MRTFA: variants seen among roughly 807,000 people sequenced by gnomAD.
MRTFA encodes myocardin related transcription factor A.
Under a neutral mutation model 83.5 loss-of-function variants are expected in MRTFA, and 20 were observed. That is an observed-to-expected ratio of 0.24 (90% CI 0.17 to 0.35). The LOEUF (loss-of-function observed/expected upper bound fraction) is 0.35. Among genes scored for constraint, MRTFA ranks in the 10% least tolerant of loss-of-function variants. The pLI is 1.00. For missense variants in MRTFA, 1,200 were observed against 1,224.7 expected, an observed-to-expected ratio of 0.98 and a Z score of 0.30; for synonymous variants, 659 against 541.2, an observed-to-expected ratio of 1.22 and a Z score of -3.02.
intron 2 of MRTFA, among the ~76,000 whole-genome samples, chr22:40,567,606 G>A (rs542473561): frequency 1.8e-4 from 28 of 152,142 alleles, no homozygotes; most frequent in South Asian, 6.2e-4. Flanking sequence ...GCCAGGCCAC[G>A]GAAAACCTGC....
intron 3 of MRTFA, among the ~76,000 whole-genome samples, chr22:40,520,545 T>C (rs1007311338): frequency 2.6e-5 from 4 of 152,136 alleles, no homozygotes; most frequent in African/African-American, 9.7e-5. Context: ...TAGCTGAGAC[T>C]ATAGGCACAT....
chr22:40,567,885 A>T (rs1398246490), intron 2 of MRTFA, among the ~76,000 whole-genome samples: 1 of 152,214 alleles, frequency 6.6e-6, no homozygotes, highest in East Asian at 1.9e-4. Flanking sequence ...TTTCTCAATG[A>T]CATCCTCTCC....
intron 9 of MRTFA, among the ~76,000 whole-genome samples, chr22:40,421,381 T>C (rs1315515838): frequency 6.6e-6 from 1 of 151,872 alleles, no homozygotes; most frequent in Non-Finnish European, 1.5e-5. Context: ...CCAAGCAGGG[T>C]GAACACAAGG....
At chr22:40,417,240 C>G in intron 13 of MRTFA, 101 bp downstream of exon 13, 1 of 1,504,186 alleles carries the variant, frequency 6.6e-7, no homozygotes, top group African/African-American at 1.4e-5. Context: ...TGAAGCTGGG[C>G]TTCGCCTGCC....
intron 3 of MRTFA, among the ~76,000 whole-genome samples, chr22:40,531,499 C>G (rs1269709225): frequency 6.6e-6 from 1 of 152,084 alleles, no homozygotes; most frequent in African/African-American, 2.4e-5. Context: ...ACTTTGCTAT[C>G]ATATTCAATA....
intron 3 of MRTFA, among the ~76,000 whole-genome samples, chr22:40,536,080 T>C (rs2055166828): frequency 6.8e-6 from 1 of 147,834 alleles, no homozygotes; most frequent in Non-Finnish European, 1.5e-5. Flanking sequence ...GGGTTGAAAC[T>C]AGAAGTTAGA....
chr22:40,434,428 A>T (rs1398735358), intron 5 of MRTFA, among the ~76,000 whole-genome samples: 2 of 152,158 alleles, frequency 1.3e-5, no homozygotes, highest in Non-Finnish European at 2.9e-5. Context: ...TGAGACTCTA[A>T]AATAGCTGTG....
chr22:40,546,040 TATATGATAC>T (rs2147302891), intron 3 of MRTFA, among the ~76,000 whole-genome samples: 1 of 152,388 alleles, frequency 6.6e-6, no homozygotes, highest in African/African-American at 2.4e-5. Context: ...ACTGAATTTC[TATATGATAC>T]ATGCTTCTAT....
At chr22:40,612,046 G>T (rs561592313) in intron 1 of MRTFA, among the ~76,000 whole-genome samples, 10 of 152,254 alleles carry the variant, frequency 6.6e-5, no homozygotes, top group African/African-American at 2.4e-4. Flanking sequence ...CCAAAGAAAT[G>T]GTAGTTGAAA....
intron 4 of MRTFA, among the ~76,000 whole-genome samples, chr22:40,441,178 T>C (rs910906871): frequency 3.3e-5 from 5 of 152,204 alleles, no homozygotes; most frequent in African/African-American, 4.8e-5. Flanking sequence ...GCTGGTTCCA[T>C]TGGAGCTCTT....
At chr22:40,538,997 T>G (rs1215526593) in intron 3 of MRTFA, among the ~76,000 whole-genome samples, 7 of 143,944 alleles carry the variant, frequency 4.9e-5, no homozygotes, top group Non-Finnish European at 6.1e-5. Context: ...TTTGTTTTTT[T>G]TTTTTTTTTT....
chr22:40,421,647 C>T (rs1458607718), intron 9 of MRTFA, among the ~76,000 whole-genome samples: 2 of 152,172 alleles, frequency 1.3e-5, no homozygotes, highest in African/African-American at 4.8e-5. Flanking sequence ...CTATTCATGC[C>T]CCCAAAGACC....
chr22:40,591,669 T>C (rs2056123462), intron 2 of MRTFA, among the ~76,000 whole-genome samples: 1 of 152,190 alleles, frequency 6.6e-6, no homozygotes, highest in African/African-American at 2.4e-5. Flanking sequence ...TTCAAACAGG[T>C]AAATTCTGTA....
At chr22:40,590,662 G>C (rs1028485597) in intron 2 of MRTFA, among the ~76,000 whole-genome samples, 3 of 136,066 alleles carry the variant, frequency 2.2e-5, no homozygotes, top group Non-Finnish European at 4.6e-5. Context: ...AACAGAACAA[G>C]ACTCTGTCTC....
At chr22:40,579,716 C>T (rs779372384) in intron 2 of MRTFA, among the ~76,000 whole-genome samples, 2 of 151,958 alleles carry the variant, frequency 1.3e-5, no homozygotes, top group African/African-American at 2.4e-5. Context: ...AAAAATTAGC[C>T]GGGCATGGTG....
At chr22:40,591,947 A>G (rs558643570) in intron 2 of MRTFA, among the ~76,000 whole-genome samples, 4 of 152,320 alleles carry the variant, frequency 2.6e-5, no homozygotes, top group African/African-American at 4.8e-5. Flanking sequence ...TCTTTCATAG[A>G]TATATGCACA....
In MRTFA at chr22:40,453,407, C is replaced by A. The variant is rs527295175; in HGVS notation, c.307+9814G>T. ...TCCGAGGGCACTGACCGGACTGGGGCAGAGGGCCAACTGCAAGGTTTGGGG... is the reference window on the plus strand; with the variant it reads ...TCCGAGGGCACTGACCGGACTGGGGAAGAGGGCCAACTGCAAGGTTTGGGG... On this transcript the variant is annotated intron_variant, in intron 4 of 14. Transcript: ENST00000355630. 5.9e-5 allele frequency among the ~76,000 whole-genome samples: 9 copies of A among 152,300 alleles called. 1 individual carries two copies. The East Asian group carries it at 1.7e-3, about 29-fold the overall frequency.
intron 1 of MRTFA, among the ~76,000 whole-genome samples, chr22:40,620,370 C>T (rs928123388): frequency 3.3e-5 from 5 of 151,610 alleles, no homozygotes; most frequent in East Asian, 1.9e-4. Flanking sequence ...GTGATACACC[C>T]GTCTCAACCT....
intron 2 of MRTFA, among the ~76,000 whole-genome samples, chr22:40,570,414 A>C (rs1025704665): frequency 1.3e-5 from 2 of 151,420 alleles, no homozygotes; most frequent in African/African-American, 4.9e-5. Context: ...TCTCTACTTA[A>C]AAAAATACAA....
Sources: allele counts gnomAD v4.1 joint callset (sites outside exome capture counted in the v4.1 genomes callset), GRCh38; gene constraint gnomAD v4.1.1; transcripts MANE v1.5; gene names NCBI Gene and HGNC (gene_info 2026-07-23, HGNC 2026-07-21).